Variants in PUS1 observed in about 807,000 individuals in gnomAD.
PUS1 encodes the protein pseudouridine synthase 1, also known as pseudouridylate synthase 1 homolog.
PUS1 carries 25 observed loss-of-function variants against 38.5 expected under a neutral mutation model. The observed-to-expected ratio is 0.65, with a 90% CI of 0.47 to 0.91. The LOEUF is 0.91. Ranked by LOEUF, PUS1 falls within the 40% of genes least tolerant of loss-of-function variation. PUS1 has a pLI of 0.00. For synonymous variants in PUS1, 282 were observed against 260.4 expected (o/e 1.08, Z -0.80); for missense variants, 597 against 612.3 (o/e 0.97, Z 0.26).
At chr12:131,943,233 C>T (rs559087960) in intron 5 of PUS1, among the ~76,000 whole-genome samples, 1 of 152,368 alleles carries the variant, frequency 6.6e-6, no homozygotes, top group East Asian at 1.9e-4. Context: ...TATATACTTC[C>T]GAGGCACCTG....
At chr12:131,938,003 T>C (rs913080172) in intron 3 of PUS1, among the ~76,000 whole-genome samples, 3 of 152,198 alleles carry the variant, frequency 2.0e-5, no homozygotes, top group Non-Finnish European at 2.9e-5. Context: ...ATGTCCAAAG[T>C]AGGAAACTCT....
intron 3 of PUS1, among the ~76,000 whole-genome samples, chr12:131,935,463 C>T (rs1890781885): frequency 6.6e-6 from 1 of 152,116 alleles, no homozygotes; most frequent in African/African-American, 2.4e-5. Context: ...TCCATTAGGC[C>T]GGCACGGTCA....
In PUS1 at chr12:131,941,415, G is replaced by A. The variant is rs750543437; in HGVS notation, c.668G>A (p.Arg223His). ...KDRDVQDETY[R>H]LSAETLQQVN... ...CGGGACGTTCAGGATGAGACCTACCGCCTGAGCGCCGAGACGCTGCAGCAG... is the reference window on the plus strand; with the variant it reads ...CGGGACGTTCAGGATGAGACCTACCACCTGAGCGCCGAGACGCTGCAGCAG... Residue 223 changes from arginine (R) to histidine (H), a missense_variant, in exon 5 of 6, where the codon CGC (arginine) becomes CAC (histidine). Physicochemically the swap from Arg to His is conservative, Grantham distance 29. Transcript: ENST00000376649. This position sits in a 1 kb window ranked among gnomAD's most constrained non-coding sequence, Gnocchi z 4.4. 1.8e-5 allele frequency: 29 copies of A among 1,614,050 alleles called. No individual in the cohort carries two copies. The highest frequency in any genetic ancestry group is 6.7e-5 in the Admixed American group (4 of 60,010).
chr12:131,934,375 G>A (rs1367736545), intron 3 of PUS1, among the ~76,000 whole-genome samples: 1 of 152,208 alleles, frequency 6.6e-6, no homozygotes, highest in Non-Finnish European at 1.5e-5. Context: ...GGCGCTACCA[G>A]TAGTCCGGGG....
intron 2 of PUS1, 199 bp from the exon 3 acceptor site, chr12:131,931,976 C>T: frequency 5.9e-6 from 4 of 675,818 alleles, no homozygotes; most frequent in Non-Finnish European, 5.4e-6. Flanking sequence ...CTACCCACCC[C>T]CTAGCATGGA....
At position 131,929,308 on chromosome 12, in the gene PUS1, G is replaced by C. The variant is rs889381662; in HGVS notation, c.-415G>C. On this transcript the variant is annotated 5_prime_UTR_variant, in exon 1 of 6. Coordinates refer to ENST00000376649, the MANE Select transcript of PUS1 (RefSeq NM_025215.6). ...CGCGTCGCGAATGGGGCAGGAGCGA[G>C]CCTCTCTGGTCCCGACGCGGGTGGC... 3 of 195,526 alleles carry C rather than the reference G, an allele frequency of 1.5e-5. No individual in the cohort carries two copies. Among genetic ancestry groups the C allele is most frequent in the African/African-American group, 2.3e-5 (1 of 42,924 alleles). The allele number at this position is 195,526 out of a possible 1,614,324, so 12.1% of individuals were successfully genotyped here. A position where few individuals can be genotyped will look rare whatever the true frequency, so the allele number is the denominator to read the frequency against.
rs958909267 is a variant in PUS1, at chr12:131,934,416, CAG to C, written c.441+2105_441+2106del. On this transcript the variant is annotated intron_variant, in intron 3 of 5. Transcript: ENST00000376649. Reference sequence around the variant, plus strand: ...TCAAGCGACCCTTATCTGGGCGTGACAGGGGGCTCACACCCTTGTCTTCTGGT... The same window carrying C: ...TCAAGCGACCCTTATCTGGGCGTGACGGGGCTCACACCCTTGTCTTCTGGT... Among the ~76,000 whole-genome samples, 30 of 152,308 alleles carry C rather than the reference CAG, an allele frequency of 2.0e-4. No homozygotes were observed. In the South Asian group the frequency reaches 2.7e-3, roughly 14 times the overall value.
At chr12:131,930,692 C>G (rs1419074702) in intron 2 of PUS1, among the ~76,000 whole-genome samples, 1 of 152,110 alleles carries the variant, frequency 6.6e-6, no homozygotes, top group Non-Finnish European at 1.5e-5. Flanking sequence ...TGCATCCACA[C>G]TGCTCGCTGC....
At chr12:131,930,797 T>C (rs888314553) in intron 2 of PUS1, among the ~76,000 whole-genome samples, 3 of 152,116 alleles carry the variant, frequency 2.0e-5, no homozygotes, top group African/African-American at 7.2e-5. Context: ...TGAATAATTT[T>C]TTTTATAATT....
At position 131,929,607 on chromosome 12, in the gene PUS1, G is replaced by T. The variant is rs1593285612; in HGVS notation, c.-116G>T. On this transcript the variant is annotated 5_prime_UTR_variant, in exon 1 of 6. Coordinates refer to ENST00000376649, the MANE Select transcript of PUS1 (RefSeq NM_025215.6). ...TTTCCCGGAGGTCAGGGGTCAGAAG[G>T]AACAGGGCTGCAGCGTCAGGGTCCG... 1 of 909,422 alleles carries T rather than the reference G, an allele frequency of 1.1e-6. No homozygotes were observed. The highest frequency in any genetic ancestry group is 1.6e-6 in the Non-Finnish European group (1 of 633,252). The allele number at this position is 909,422 out of a possible 1,614,324, so 56.3% of individuals were successfully genotyped here.
chr12:131,937,022 C>T (rs1555268322), intron 3 of PUS1, among the ~76,000 whole-genome samples: 1 of 152,198 alleles, frequency 6.6e-6, no homozygotes, highest in Non-Finnish European at 1.5e-5. Flanking sequence ...TCAGCTTCTA[C>T]AGAGTGGTTG....
At chr12:131,939,036 C>T (rs552212458) in intron 3 of PUS1, 137 bp from the exon 4 acceptor site, 163 of 709,816 alleles carry the variant, frequency 2.3e-4, no homozygotes, top group African/African-American at 2.3e-3. Flanking sequence ...CCACTATGCC[C>T]GGCCCTCCAG....
At chr12:131,933,553 G>T (rs987266774) in intron 3 of PUS1, among the ~76,000 whole-genome samples, 2 of 152,212 alleles carry the variant, frequency 1.3e-5, no homozygotes, top group Non-Finnish European at 2.9e-5. Flanking sequence ...GAACCACAAG[G>T]CTGAGTACTC....
chr12:131,937,467 C>T (rs925040698), intron 3 of PUS1, among the ~76,000 whole-genome samples: 1 of 152,150 alleles, frequency 6.6e-6, no homozygotes, highest in African/African-American at 2.4e-5. Flanking sequence ...CTCCACCTCC[C>T]GGGTTCAAGT....
rs754855677 is a variant in PUS1, at chr12:131,939,213, G to T, written c.482G>T (p.Trp161Leu). 6 of 1,562,180 alleles carry T rather than the reference G, an allele frequency of 3.8e-6. No individual in the cohort carries two copies. Among genetic ancestry groups the T allele is most frequent in the Non-Finnish European group, 4.3e-6 (5 of 1,151,790 alleles). The stretch of plus-strand genomic sequence containing the variant: ...GGCCAGGTGGTATCCCTGAAGGTGT[G>T]GCTGATTGACGACATTCTAGAAAAG... ...AAGQVVSLKV[W>L]LIDDILEKIN... is the part of the protein sequence containing the mutation. The change falls in exon 4 of 6, where the codon TGG (tryptophan) becomes TTG (leucine). Residue 161 changes from tryptophan (W) to leucine (L), a missense_variant. Physicochemically the swap from Trp to Leu is moderately conservative, Grantham distance 61. Transcript: ENST00000376649.
At chr12:131,938,650 ACT>A (rs1340064951) in intron 3 of PUS1, among the ~76,000 whole-genome samples, 3 of 146,122 alleles carry the variant, frequency 2.1e-5, no homozygotes, top group Non-Finnish European at 1.5e-5. Flanking sequence ...CCCCTTCCTC[ACT>A]CTGCTCTTGG....
rs545407000 is a variant in PUS1, at chr12:131,942,572, C to A, written c.1236+589C>A. On this transcript the variant is annotated intron_variant, in intron 5 of 5. Transcript: ENST00000376649. ...CAGGCGCCCACCACCACGCCCGGCT[C>A]ATTTTTTGTATTTTTAGTAGAGATG... Among the ~76,000 whole-genome samples the A allele has an allele frequency of 2.4e-3, 371 of 152,078 alleles. No individual in the cohort carries two copies. The Middle Eastern group carries it at 0.041, about 17-fold the overall frequency.
rs1480842704 is a variant in PUS1, at chr12:131,943,973, G to A, written c.*387G>A. 1 of 280,650 alleles carries A rather than the reference G, an allele frequency of 3.6e-6. No homozygotes were observed. Among genetic ancestry groups the A allele is most frequent in the Admixed American group, 4.6e-5 (1 of 21,842 alleles). 17.4% of individuals were successfully genotyped at this position (280,650 alleles called of 1,614,324 possible). A position where few individuals can be genotyped will look rare whatever the true frequency, so the allele number is the denominator to read the frequency against. On this transcript the variant is annotated 3_prime_UTR_variant, in exon 6 of 6. Transcript: ENST00000376649. The stretch of plus-strand genomic sequence containing the variant: ...CGGCTGAACAAAAGAGAAAGGCCCA[G>A]GAGGTTGGCTCAGCCTGTAATCCCA...
chr12:131,939,069 C>A, intron 3 of PUS1, 104 bp from the exon 4 acceptor site: 1 of 781,606 alleles, frequency 1.3e-6, no homozygotes, highest in South Asian at 1.5e-5. Context: ...CAGCTGAATT[C>A]ATGTGTGAAA....
Sources: gnomAD v4.1 joint callset for allele counts (sites outside exome capture counted in the v4.1 genomes callset) on GRCh38, gnomAD v4.1.1 for gene constraint, Gnocchi (gnomAD v3.1) non-coding constraint, MANE v1.5 for transcripts, NCBI Gene and HGNC (gene_info 2026-07-23, HGNC 2026-07-21) for gene names.